P3H3: variants seen among roughly 807,000 people sequenced by gnomAD.
P3H3 encodes the protein prolyl 3-hydroxylase 3.
In P3H3, 64 loss-of-function variants were observed where a neutral mutation model predicts 78.1. That is an observed-to-expected ratio of 0.82 (90% confidence interval 0.67 to 1.01). The LOEUF (loss-of-function observed/expected upper bound fraction) is 1.01. P3H3 is among the 50% of genes least tolerant of loss of function. The pLI, the probability that P3H3 is intolerant of heterozygous loss-of-function variation, is 0.00. For missense variants in P3H3, 975 were observed against 982.2 expected, an observed-to-expected ratio of 0.99 and a Z score of 0.10; for synonymous variants, 425 against 416.7, an observed-to-expected ratio of 1.02 and a Z score of -0.24.
In P3H3 at chr12:6,828,423, G is replaced by A; in HGVS notation, c.-18G>A. 1.8e-6 allele frequency: 1 copy of A among 554,486 alleles called. No homozygotes were observed. 34.3% of individuals were successfully genotyped at this position (554,486 alleles called of 1,614,324 possible). On this transcript the variant is annotated 5_prime_UTR_variant, in exon 1 of 15. Transcript: ENST00000290510. Reference sequence around the variant, plus strand: ...TCGGCTCCCGCATTTCCCCTCGGCTGCCGGCGGCTCCGACATCATGCTCCG... The same window carrying A: ...TCGGCTCCCGCATTTCCCCTCGGCTACCGGCGGCTCCGACATCATGCTCCG...
chr12:6,830,076 A>C, intron 2 of P3H3, 65 bp downstream of exon 2: 8 of 1,590,610 alleles, frequency 5.0e-6, no homozygotes, highest in Non-Finnish European at 6.9e-6. Flanking sequence ...CACAGGCCTC[A>C]CTAAACTGTG....
chr12:6,834,083 A>G (rs782164178), intron 9 of P3H3, 34 bp downstream of exon 9: 6 of 1,611,258 alleles, frequency 3.7e-6, no homozygotes, highest in Non-Finnish European at 5.1e-6. Context: ...AGCTCGTTCA[A>G]GACTCTTGGA....
intron 6 of P3H3, among the ~76,000 whole-genome samples, chr12:6,832,982 T>C (rs1943464142): frequency 6.6e-6 from 1 of 150,762 alleles, no homozygotes; most frequent in Non-Finnish European, 1.5e-5. Context: ...AAGACCAGCC[T>C]GGCCAACATA....
Position 6,831,077 on chromosome 12 carries a change from T to A in P3H3, c.986-139T>A. ...TTGAAAGAACCGGCAGCTGAACTTGTCTGCCAGTGGGAAGGGGGCTCTTGG... is the reference window on the plus strand; with the variant it reads ...TTGAAAGAACCGGCAGCTGAACTTGACTGCCAGTGGGAAGGGGGCTCTTGG... On this transcript the variant is annotated intron_variant, in intron 4 of 14. Coordinates refer to ENST00000290510, the MANE Select transcript of P3H3 (RefSeq NM_014262.5). The surrounding 1 kb of genome is among the most constrained non-coding windows in gnomAD (Gnocchi z 4.6). The A allele has an allele frequency of 9.1e-7, 1 of 1,103,620 alleles. No homozygotes were observed. The highest frequency in any genetic ancestry group is 1.9e-4 in the Middle Eastern group (1 of 5,152). 68.4% of individuals were successfully genotyped at this position (1,103,620 alleles called of 1,614,324 possible).
intron 11 of P3H3, 39 bp from the exon 12 acceptor site, chr12:6,837,692 CA>C: frequency 6.3e-7 from 1 of 1,587,136 alleles, no homozygotes; most frequent in Non-Finnish European, 8.6e-7. Flanking sequence ...CAGATGGGCA[CA>C]GGGGCACAGA....
intron 11 of P3H3, 47 bp downstream of exon 11, chr12:6,837,620 C>T (rs1555122379): frequency 5.0e-6 from 8 of 1,595,550 alleles, no homozygotes; most frequent in African/African-American, 1.3e-5. Context: ...CAGGCCCTGC[C>T]CCCAGGACAC....
chr12:6,831,798 C>A lies in P3H3; in HGVS notation c.1123-27C>A. On this transcript the variant is annotated intron_variant, in intron 5 of 14. Transcript: ENST00000290510. The surrounding 1 kb of genome is among the most constrained non-coding windows in gnomAD (Gnocchi z 4.6). ...GCTTCCCTGCCTTCCTCCAGCTACCCCTCACTGCTCATCATCTCACCCTCA... is the reference window on the plus strand; with the variant it reads ...GCTTCCCTGCCTTCCTCCAGCTACCACTCACTGCTCATCATCTCACCCTCA... 6.9e-7 allele frequency: 1 copy of A among 1,454,440 alleles called. No individual in the cohort carries two copies. Among genetic ancestry groups the A allele is most frequent in the South Asian group, 1.2e-5 (1 of 84,864 alleles). 90.1% of individuals were successfully genotyped at this position (1,454,440 alleles called of 1,614,324 possible).
intron 9 of P3H3, among the ~76,000 whole-genome samples, chr12:6,835,140 A>T (rs1202162651): frequency 6.6e-6 from 1 of 152,210 alleles, no homozygotes; most frequent in Admixed American, 6.5e-5. Flanking sequence ...CCAGCTCCAT[A>T]GTCATTACCT....
chr12:6,830,710 T>G lies in P3H3; in HGVS notation c.925T>G (p.Phe309Val). ...GETATRPGRS[F>V]PVPDFLPNQL... is the part of the protein sequence containing the mutation. ...AACAGCCACACGCCCTGGTCGCAGC[T>G]TCCCTGTCCCAGACTTCCTTCCCAA... The change falls in exon 4 of 15, where the codon TTC becomes GTC. Residue 309 changes from phenylalanine to valine, a missense_variant. Transcript: ENST00000290510. 1.9e-6 allele frequency: 3 copies of G among 1,613,922 alleles called. No homozygotes were observed. Among genetic ancestry groups the G allele is most frequent in the Non-Finnish European group, 2.5e-6 (3 of 1,179,834 alleles).
rs1943429263 is a variant in P3H3, at chr12:6,829,882, T to G, written c.522T>G (p.Ala174=). The G allele has an allele frequency of 6.2e-7, 1 of 1,613,908 alleles. No homozygotes were observed. Among genetic ancestry groups the G allele is most frequent in the South Asian group, 1.1e-5 (1 of 91,090 alleles). The change falls in exon 2 of 15, where the codon GCT becomes GCG. Residue 174 remains alanine (A), a synonymous_variant. Coordinates refer to ENST00000290510, the MANE Select transcript of P3H3 (RefSeq NM_014262.5). The surrounding 1 kb of genome is among the most constrained non-coding windows in gnomAD (Gnocchi z 5.1). ...YYQLKKLDLA[A]AAAHTFFVAN... is the part of the protein sequence containing the mutation. ...AGTTGAAGAAGCTGGATCTGGCAGC[T>G]GCGGCAGCACACACCTTCTTTGTAG...
At position 6,828,506 on chromosome 12, in the gene P3H3, C is replaced by T; in HGVS notation, c.66C>T (p.Pro22=). Residue 22 remains proline, a synonymous_variant, in exon 1 of 15, where the codon CCC becomes CCT. Coordinates refer to ENST00000290510, the MANE Select transcript of P3H3 (RefSeq NM_014262.5). ...TGCCTCCCCCGGGGTCCCCTGAGCCCCCCGGCCTGACCCAGCTGTCCCCGG... is the reference window on the plus strand; with the variant it reads ...TGCCTCCCCCGGGGTCCCCTGAGCCTCCCGGCCTGACCCAGCTGTCCCCGG... ...LLLPPPGSPE[P]PGLTQLSPGA... is the part of the protein sequence containing the mutation. 1 of 1,356,534 alleles carries T rather than the reference C, an allele frequency of 7.4e-7. No homozygotes were observed. The highest frequency in any genetic ancestry group is 1.6e-5 in the South Asian group (1 of 63,338). The allele number at this position is 1,356,534 out of a possible 1,614,324, so 84.0% of individuals were successfully genotyped here. A position where few individuals can be genotyped will look rare whatever the true frequency, so the allele number is the denominator to read the frequency against.
intron 10 of P3H3, 51 bp downstream of exon 10, chr12:6,837,137 G>C: frequency 2.0e-6 from 3 of 1,489,956 alleles, no homozygotes; most frequent in Non-Finnish European, 2.8e-6. Flanking sequence ...CTGGAGGAGA[G>C]GCTGTGCAGG....
intron 11 of P3H3, 44 bp downstream of exon 11, chr12:6,837,617 T>G: frequency 6.3e-7 from 1 of 1,598,456 alleles, no homozygotes; most frequent in African/African-American, 1.3e-5. Context: ...CCTCAGGCCC[T>G]GCCCCCAGGA....
At chr12:6,834,568 T>G (rs1555121870) in intron 9 of P3H3, among the ~76,000 whole-genome samples, 1 of 152,220 alleles carries the variant, frequency 6.6e-6, no homozygotes, top group African/African-American at 2.4e-5. Context: ...CTCTGCCCTT[T>G]GGGAGCTCAA....
Position 6,831,587 on chromosome 12 carries a change from C to T in P3H3, c.1122+235C>T, listed in dbSNP as rs1484438290. Among the ~76,000 whole-genome samples the T allele has an allele frequency of 6.6e-6, 1 of 152,122 alleles. No individual in the cohort carries two copies. The highest frequency in any genetic ancestry group is 2.4e-5 in the African/African-American group (1 of 41,406). ...TTGCCTTTACTTCACTCCTGCCTGC[C>T]ACCAGCCCCCAAACTCATGCATACA... On this transcript the variant is annotated intron_variant, in intron 5 of 14. Transcript: ENST00000290510. This position sits in a 1 kb window ranked among gnomAD's most constrained non-coding sequence, Gnocchi z 4.6.
In P3H3 at chr12:6,828,643, C is replaced by T; in HGVS notation, c.203C>T (p.Ala68Val). The T allele has an allele frequency of 8.2e-7, 1 of 1,215,974 alleles. No individual in the cohort carries two copies. The highest frequency in any genetic ancestry group is 1.0e-6 in the Non-Finnish European group (1 of 978,466). The allele number at this position is 1,215,974 out of a possible 1,614,324, so 75.3% of individuals were successfully genotyped here. A position where few individuals can be genotyped will look rare whatever the true frequency, so the allele number is the denominator to read the frequency against. The change falls in exon 1 of 15, where the codon GCG becomes GTG. Residue 68 changes from alanine (A) to valine (V), a missense_variant. Coordinates refer to ENST00000290510, the MANE Select transcript of P3H3 (RefSeq NM_014262.5). The stretch of plus-strand genomic sequence containing the variant: ...CTGCGGGAGGCGCTGCGGAGCCAGG[C>T]GGCGCTGGGCCGGGTGCGGCTGGAT... ...ALLREALRSQ[A>V]ALGRVRLDCG... is the part of the protein sequence containing the mutation.
rs782427964 is a variant in P3H3, at chr12:6,831,846, C to T, written c.1144C>T (p.Arg382Ter). 21 of 1,607,414 alleles carry T rather than the reference C, an allele frequency of 1.3e-5. No individual in the cohort carries two copies. Among genetic ancestry groups the T allele is most frequent in the Middle Eastern group, 1.7e-4 (1 of 6,058 alleles). Reference sequence around the variant, plus strand: ...TCAGGACATCCAGCGCTTCATCCTCCGATCCCTGGGGGAGAAGAGGCAGCT... The same window carrying T: ...TCAGGACATCCAGCGCTTCATCCTCTGATCCCTGGGGGAGAAGAGGCAGCT... ...PREDIQRFIL[R>*]SLGEKRQLYY... Residue 382 changes from arginine (R) to a stop codon, truncating the protein, a stop_gained, in exon 6 of 15, where the codon CGA (arginine) becomes TGA (stop). Transcript: ENST00000290510. LOFTEE classifies it high-confidence loss of function. The surrounding 1 kb of genome is among the most constrained non-coding windows in gnomAD (Gnocchi z 4.6).
chr12:6,833,687 G>A, intron 7 of P3H3, 43 bp downstream of exon 7: 3 of 1,607,934 alleles, frequency 1.9e-6, no homozygotes, highest in Non-Finnish European at 2.6e-6. Flanking sequence ...CCCGAGCTGG[G>A]AGGCTGGGTC....
chr12:6,831,122 G>GGA lies in P3H3; in HGVS notation c.986-91_986-90dup. ...TCTTGGAGTTAGCTGTCTGGCCTCT[G>GGA]GAGACCACCTTCTCCAGCACTGCCT... On this transcript the variant is annotated intron_variant, in intron 4 of 14. Transcript: ENST00000290510. The surrounding 1 kb of genome is among the most constrained non-coding windows in gnomAD (Gnocchi z 4.6). 2 of 1,531,232 alleles carry GGA rather than the reference G, an allele frequency of 1.3e-6. No homozygotes were observed. Among genetic ancestry groups the GGA allele is most frequent in the South Asian group, 2.3e-5 (2 of 88,736 alleles). 94.9% of individuals were successfully genotyped at this position (1,531,232 alleles called of 1,614,324 possible).
Sources: gnomAD v4.1 joint callset for allele counts (sites outside exome capture counted in the v4.1 genomes callset) on GRCh38, gnomAD v4.1.1 for gene constraint, Gnocchi (gnomAD v3.1) non-coding constraint, MANE v1.5 for transcripts, NCBI Gene and HGNC (gene_info 2026-07-23, HGNC 2026-07-21) for gene names.